PXDNL: variants seen among roughly 807,000 people sequenced by gnomAD.
PXDNL encodes the protein probable oxidoreductase PXDNL.
PXDNL carries 145 observed loss-of-function variants against 150.8 expected under a neutral mutation model. That is an observed-to-expected ratio of 0.96 (90% CI 0.84 to 1.10). The LOEUF (loss-of-function observed/expected upper bound fraction) is 1.10. PXDNL is among the 50% of genes least tolerant of loss of function. The pLI, the probability that PXDNL is intolerant of heterozygous loss-of-function variation, is 0.00. For missense variants in PXDNL, 2,087 were observed against 1,873.9 expected, an observed-to-expected ratio of 1.11 and a Z score of -2.10; for synonymous variants, 757 against 725.7, an observed-to-expected ratio of 1.04 and a Z score of -0.69.
At chr8:51,472,595 G>T (rs2130101759) in intron 7 of PXDNL, among the ~76,000 whole-genome samples, 1 of 152,228 alleles carries the variant, frequency 6.6e-6, no homozygotes, top group Non-Finnish European at 1.5e-5. Context: ...TTTATGGAAG[G>T]AGTTTGATTT....
At chr8:51,789,012 C>CCTTTTT (rs1451700929) in intron 1 of PXDNL, among the ~76,000 whole-genome samples, 3 of 152,216 alleles carry the variant, frequency 2.0e-5, no homozygotes, top group Admixed American at 2.0e-4. Flanking sequence ...TAGTGCCTTT[C>CCTTTTT]CTTTTTCTTT....
rs533757469 is a variant in PXDNL at position 51,457,550 on chromosome 8, G to A, written c.930C>T (p.Ser310=). 55 of 1,613,538 alleles carry A rather than the reference G, an allele frequency of 3.4e-5. No homozygotes were observed. Among genetic ancestry groups the A allele is most frequent in the Middle Eastern group, 3.3e-4 (2 of 6,062 alleles). ...CACTCTGTGTCTTGGCTTCCCCAGC[G>A]GAATTTCTGGCCATGCACTGATAGA... The part of the protein sequence containing the change: ...QGVYQCMARN[S]AGEAKTQSAM... The change falls in exon 9 of 23, where the codon TCC becomes TCT. Residue 310 remains serine (S), a synonymous_variant. Coordinates refer to ENST00000356297, the MANE Select transcript of PXDNL (RefSeq NM_144651.5).
At chr8:51,355,853 C>G (rs1015685588) in intron 19 of PXDNL, among the ~76,000 whole-genome samples, 2 of 152,120 alleles carry the variant, frequency 1.3e-5, no homozygotes, top group African/African-American at 4.8e-5. Flanking sequence ...GTTAAAATGT[C>G]AAGACTGTTG....
intron 16 of PXDNL, 93 bp from the exon 17 acceptor site, chr8:51,409,654 C>T (rs1808571688): frequency 1.9e-6 from 2 of 1,036,260 alleles, no homozygotes; most frequent in Non-Finnish European, 2.7e-6. Flanking sequence ...CACCTCCCAC[C>T]CCGCCCGCCC....
chr8:51,578,822 T>C (rs1011593830), intron 3 of PXDNL, among the ~76,000 whole-genome samples: 4 of 151,952 alleles, frequency 2.6e-5, no homozygotes, highest in African/African-American at 9.7e-5. Flanking sequence ...ATAGCCAACT[T>C]ATTTTTGACA....
chr8:51,760,108 T>C (rs2037145544), intron 1 of PXDNL, among the ~76,000 whole-genome samples: 2 of 152,244 alleles, frequency 1.3e-5, no homozygotes, highest in African/African-American at 2.4e-5. Context: ...TATTTTCATA[T>C]GTTAAAACTC....
chr8:51,772,127 C>T (rs2037302735), intron 1 of PXDNL, among the ~76,000 whole-genome samples: 1 of 152,086 alleles, frequency 6.6e-6, no homozygotes, highest in Non-Finnish European at 1.5e-5. Flanking sequence ...CACCATGTCT[C>T]ACCTTCCTCC....
intron 2 of PXDNL, among the ~76,000 whole-genome samples, chr8:51,608,655 G>C (rs906184011): frequency 2.0e-5 from 3 of 148,974 alleles, no homozygotes; most frequent in Admixed American, 2.0e-4. Flanking sequence ...GGCTAACACG[G>C]TGAAACCCCG....
At chr8:51,445,568 G>A (rs992295172) in intron 12 of PXDNL, among the ~76,000 whole-genome samples, 8 of 152,092 alleles carry the variant, frequency 5.3e-5, no homozygotes, top group South Asian at 2.1e-4. Flanking sequence ...TTAGAGAGTC[G>A]ACGAAGCCTC....
At chr8:51,378,857 GAAC>G (rs762550988) in intron 17 of PXDNL, among the ~76,000 whole-genome samples, 8 of 152,122 alleles carry the variant, frequency 5.3e-5, no homozygotes, top group Non-Finnish European at 1.0e-4. Context: ...GAACATGTTC[GAAC>G]ATCAGAAGGA....
At chr8:51,397,720 C>A (rs1366406900) in intron 17 of PXDNL, among the ~76,000 whole-genome samples, 3 of 152,054 alleles carry the variant, frequency 2.0e-5, no homozygotes, top group African/African-American at 7.2e-5. Flanking sequence ...ATAAAGAGAG[C>A]TGCTGTGAAC....
intron 1 of PXDNL, among the ~76,000 whole-genome samples, chr8:51,710,511 T>G (rs751911699): frequency 5.3e-5 from 8 of 152,194 alleles, no homozygotes; most frequent in Non-Finnish European, 1.2e-4. Context: ...CAACCAACTA[T>G]AGTCACCATG....
At chr8:51,765,260 G>A (rs538143948) in intron 1 of PXDNL, among the ~76,000 whole-genome samples, 10 of 152,226 alleles carry the variant, frequency 6.6e-5, no homozygotes, top group Admixed American at 1.3e-4. Context: ...TACTGTTCTC[G>A]TGGTAGTTAA....
intron 2 of PXDNL, among the ~76,000 whole-genome samples, chr8:51,602,958 T>C (rs183841349): frequency 4.0e-5 from 6 of 151,816 alleles, no homozygotes; most frequent in African/African-American, 1.2e-4. Context: ...AATATTTTTC[T>C]TAAGCTTTGT....
intron 4 of PXDNL, among the ~76,000 whole-genome samples, chr8:51,509,984 A>G (rs555939153): frequency 6.6e-6 from 1 of 152,144 alleles, no homozygotes; most frequent in African/African-American, 2.4e-5. Flanking sequence ...CCCAGATCCT[A>G]AAGAGTTTTG....
chr8:51,656,148 CAATT>C (rs1469191458), intron 1 of PXDNL, among the ~76,000 whole-genome samples: 2 of 152,084 alleles, frequency 1.3e-5, no homozygotes, highest in Admixed American at 6.5e-5. Flanking sequence ...TACTTCCCCT[CAATT>C]AATTTCTCAA....
At chr8:51,796,091 T>C (rs1049544634) in intron 1 of PXDNL, among the ~76,000 whole-genome samples, 2 of 152,184 alleles carry the variant, frequency 1.3e-5, no homozygotes, top group Non-Finnish European at 2.9e-5. Flanking sequence ...TTTCTCGGCC[T>C]TCCAAGAAGG....
At chr8:51,652,237 T>A (rs6473634) in intron 2 of PXDNL, among the ~76,000 whole-genome samples, 127,328 of 151,888 alleles carry the variant, frequency 0.84, 53,653 homozygotes, top group African/African-American at 0.92. Context: ...CTTTATTTTT[T>A]AAAAAATGTG....
intron 1 of PXDNL, among the ~76,000 whole-genome samples, chr8:51,786,046 A>C (rs1417998819): frequency 2.0e-5 from 3 of 152,164 alleles, no homozygotes; most frequent in African/African-American, 7.2e-5. Flanking sequence ...GACTCCACCA[A>C]CCATCCCCGC....
Sources: allele counts gnomAD v4.1 joint callset (sites outside exome capture counted in the v4.1 genomes callset), GRCh38; gene constraint gnomAD v4.1.1; transcripts MANE v1.5; gene names NCBI Gene and HGNC (gene_info 2026-07-23, HGNC 2026-07-21).